CNTN5: variants seen among roughly 807,000 people sequenced by gnomAD.
CNTN5 encodes the protein contactin-5.
In CNTN5, 77 loss-of-function variants were observed where a neutral mutation model predicts 129.1. The observed-to-expected ratio is 0.60, with a 90% confidence interval of 0.50 to 0.72. The LOEUF (loss-of-function observed/expected upper bound fraction) is 0.72, where lower values mean the gene tolerates loss of function less well. Ranked by LOEUF, CNTN5 falls within the 30% of genes least tolerant of loss-of-function variation. The probability of loss-of-function intolerance (pLI) is 0.00; values close to 1 mark genes in which losing one functional copy is unlikely to be tolerated. For synonymous variants in CNTN5, 509 were observed against 465.6 expected, an observed-to-expected ratio of 1.09 and a Z score of -1.20; for missense variants, 1,478 against 1,328.8, an observed-to-expected ratio of 1.11 and a Z score of -1.75.
At chr11:99,246,708 C>A (rs757310778) in intron 1 of CNTN5, among the ~76,000 whole-genome samples, 1 of 152,006 alleles carries the variant, frequency 6.6e-6, no homozygotes, top group Non-Finnish European at 1.5e-5. Context: ...AAAGACAAAC[C>A]ATCCAAATCT....
chr11:99,808,626 C>T (rs1326188090), intron 3 of CNTN5, among the ~76,000 whole-genome samples: 1 of 152,156 alleles, frequency 6.6e-6, no homozygotes, highest in African/African-American at 2.4e-5. Context: ...CAATAACTAA[C>T]TCACCTTGCA....
chr11:99,142,131 G>A lies in CNTN5; in HGVS notation c.-210+120861G>A, dbSNP rs187106858. Among the ~76,000 whole-genome samples, 230 of 152,190 alleles carry A rather than the reference G, an allele frequency of 1.5e-3. 5 individuals carry two copies. In the East Asian group the frequency reaches 0.034, roughly 23 times the overall value. On this transcript the variant is annotated intron_variant, in intron 1 of 24. Coordinates refer to ENST00000524871, the MANE Select transcript of CNTN5 (RefSeq NM_014361.4). ...AGCACATGCTAACCCTGGCAGGCTG[G>A]GACCAGGCCCACACCTTTGTTCTCT...
intron 17 of CNTN5, among the ~76,000 whole-genome samples, chr11:100,259,950 T>C (rs751917321): frequency 2.7e-5 from 4 of 150,492 alleles, no homozygotes; most frequent in Admixed American, 6.6e-5. Context: ...AAGACCACAA[T>C]AGAAATGAAG....
intron 1 of CNTN5, among the ~76,000 whole-genome samples, chr11:99,100,121 C>A (rs543219450): frequency 6.6e-6 from 1 of 152,088 alleles, no homozygotes; most frequent in African/African-American, 2.4e-5. Context: ...AAACAATCAA[C>A]GCTTCTTTAG....
intron 1 of CNTN5, among the ~76,000 whole-genome samples, chr11:99,312,221 C>T (rs1339697658): frequency 6.6e-6 from 1 of 152,108 alleles, no homozygotes; most frequent in Non-Finnish European, 1.5e-5. Context: ...ATATCATTTG[C>T]CTCCTCAAAT....
chr11:100,170,292 T>C (rs1253676861), intron 13 of CNTN5, among the ~76,000 whole-genome samples: 9 of 152,000 alleles, frequency 5.9e-5, no homozygotes, highest in Admixed American at 5.3e-4. Context: ...TGTGTATGAT[T>C]TTGTTTGCAC....
intron 1 of CNTN5, among the ~76,000 whole-genome samples, chr11:99,310,324 A>G (rs1865055574): frequency 6.6e-6 from 1 of 152,168 alleles, no homozygotes; most frequent in Non-Finnish European, 1.5e-5. Context: ...CTCCAAGGAA[A>G]TGTTATGAAC....
chr11:100,104,693 G>A (rs1228575383), intron 13 of CNTN5, among the ~76,000 whole-genome samples: 2 of 152,140 alleles, frequency 1.3e-5, no homozygotes, highest in Non-Finnish European at 2.9e-5. Flanking sequence ...AAAATAGCAA[G>A]TGTTTTCCTT....
At chr11:99,856,273 CT>C (rs1170611474) in intron 6 of CNTN5, among the ~76,000 whole-genome samples, 1 of 152,282 alleles carries the variant, frequency 6.6e-6, no homozygotes, top group South Asian at 2.1e-4. Flanking sequence ...TTTTACAGAG[CT>C]TTTTTAAAGT....
chr11:99,952,787 A>G (rs1358283576), intron 7 of CNTN5, among the ~76,000 whole-genome samples: 1 of 152,218 alleles, frequency 6.6e-6, no homozygotes, highest in Non-Finnish European at 1.5e-5. Context: ...ATAACAAAAA[A>G]ATAGGGATTT....
chr11:99,365,286 T>G (rs2136117920), intron 2 of CNTN5, among the ~76,000 whole-genome samples: 1 of 152,314 alleles, frequency 6.6e-6, no homozygotes, highest in Admixed American at 6.5e-5. Flanking sequence ...ACATACGCAT[T>G]TAGCATCATG....
At chr11:99,026,151 T>C (rs1163542387) in intron 1 of CNTN5, among the ~76,000 whole-genome samples, 1 of 151,638 alleles carries the variant, frequency 6.6e-6, no homozygotes, top group Non-Finnish European at 1.5e-5. Context: ...TAATTGGCAG[T>C]TTCATGATCA....
intron 7 of CNTN5, among the ~76,000 whole-genome samples, chr11:99,935,384 G>A (rs186647672): frequency 1.7e-4 from 26 of 151,604 alleles, no homozygotes; most frequent in African/African-American, 3.6e-4. Context: ...TTTTTTCACC[G>A]AGCATTATAT....
chr11:99,922,788 G>A (rs771684628), intron 7 of CNTN5, among the ~76,000 whole-genome samples: 10 of 152,088 alleles, frequency 6.6e-5, no homozygotes, highest in Admixed American at 1.3e-4. Context: ...TTCCCAATAC[G>A]TAGCACAGTG....
intron 7 of CNTN5, among the ~76,000 whole-genome samples, 163 bp from the exon 8 acceptor site, chr11:99,956,643 C>A (rs1416560073): frequency 1.3e-5 from 2 of 152,146 alleles, no homozygotes. Flanking sequence ...TAGTCATTAA[C>A]AATAATCCTT....
At chr11:99,982,471 A>G (rs79997808) in intron 8 of CNTN5, among the ~76,000 whole-genome samples, 4,392 of 152,236 alleles carry the variant, frequency 0.029, 190 homozygotes, top group East Asian at 0.19. Flanking sequence ...TTTTAATTAG[A>G]ATTATGTCTG....
At chr11:99,864,799 G>A (rs1391706442) in intron 6 of CNTN5, among the ~76,000 whole-genome samples, 2 of 152,052 alleles carry the variant, frequency 1.3e-5, no homozygotes, top group South Asian at 4.1e-4. Context: ...AATATTTTCT[G>A]TGTTTATAAT....
At chr11:99,721,801 A>AC (rs1444218550) in intron 3 of CNTN5, among the ~76,000 whole-genome samples, 2 of 152,112 alleles carry the variant, frequency 1.3e-5, no homozygotes, top group African/African-American at 4.8e-5. Flanking sequence ...AAAACATACA[A>AC]CCCCATTTAA....
At chr11:100,298,882 G>C (rs1565411917) in intron 19 of CNTN5, among the ~76,000 whole-genome samples, 1 of 150,942 alleles carries the variant, frequency 6.6e-6, no homozygotes, top group Non-Finnish European at 1.5e-5. Context: ...TCATATACAT[G>C]ACTAATTGGA....
Sources: gnomAD v4.1 joint callset for allele counts (sites outside exome capture counted in the v4.1 genomes callset) on GRCh38, gnomAD v4.1.1 for gene constraint, MANE v1.5 for transcripts, NCBI Gene and HGNC (gene_info 2026-07-23, HGNC 2026-07-21) for gene names.